TJP1: variants seen among roughly 807,000 people sequenced by gnomAD.
TJP1 encodes the protein tight junction protein 1.
TJP1 carries 43 observed loss-of-function variants against 194.2 expected under a neutral mutation model. The observed-to-expected ratio is 0.22, with a 90% CI of 0.17 to 0.29. TJP1 has a LOEUF of 0.29. Ranked by LOEUF, TJP1 falls within the 10% of genes least tolerant of loss-of-function variation. TJP1 has a pLI of 1.00. For synonymous variants in TJP1, 801 were observed against 779.0 expected (o/e 1.03, Z -0.47); for missense variants, 1,971 against 2,185.7 (o/e 0.90, Z 1.96).
chr15:29,893,865 C>A (rs1214115325), intron 2 of TJP1, among the ~76,000 whole-genome samples: 4 of 151,992 alleles, frequency 2.6e-5, no homozygotes, highest in African/African-American at 9.7e-5. Flanking sequence ...GATAAAAAAA[C>A]AAAACTTCTG....
Position 29,822,102 on chromosome 15 carries a change from G to A in TJP1, c.-74C>T, listed in dbSNP as rs948426499. 2 of 1,232,284 alleles carry A rather than the reference G, an allele frequency of 1.6e-6. No homozygotes were observed. The highest frequency in any genetic ancestry group is 3.5e-5 in the South Asian group (1 of 28,818). The allele number at this position is 1,232,284 out of a possible 1,614,324, so 76.3% of individuals were successfully genotyped here. Reference sequence around the variant, plus strand: ...CGGCGCTGGCCCGCCCGCTCCTCACGCCACAGCCCAAATAAACATCTCCCG... The same window carrying A: ...CGGCGCTGGCCCGCCCGCTCCTCACACCACAGCCCAAATAAACATCTCCCG... On this transcript the variant is annotated 5_prime_UTR_variant, in exon 1 of 28. Coordinates refer to ENST00000614355, the MANE Select transcript of TJP1 (RefSeq NM_001330239.4).
intron 2 of TJP1, among the ~76,000 whole-genome samples, chr15:29,876,334 A>G (rs181329302): frequency 1.3e-5 from 2 of 152,138 alleles, no homozygotes; most frequent in African/African-American, 4.8e-5. Flanking sequence ...AGCTTGACCA[A>G]CATGGTGAAA....
At chr15:29,928,890 C>T (rs903101087) in intron 2 of TJP1, among the ~76,000 whole-genome samples, 14 of 151,822 alleles carry the variant, frequency 9.2e-5, no homozygotes, top group African/African-American at 1.9e-4. Flanking sequence ...TGCAGTGAGC[C>T]GAGATCTCGC....
chr15:29,800,820 G>A lies in TJP1; in HGVS notation c.28-118C>T, dbSNP rs2048735080. The A allele has an allele frequency of 6.3e-6, 6 of 949,548 alleles. No individual in the cohort carries two copies. In the East Asian group the frequency reaches 7.6e-5, roughly 12 times the overall value. 58.8% of individuals were successfully genotyped at this position (949,548 alleles called of 1,614,324 possible). On this transcript the variant is annotated intron_variant, in intron 1 of 27. Transcript: ENST00000614355. Reference sequence around the variant, plus strand: ...ATACCAAAATTCACAGTTAATATTAGAGACACTCTGAAAGGACCTTAATAA... The same window carrying A: ...ATACCAAAATTCACAGTTAATATTAAAGACACTCTGAAAGGACCTTAATAA...
chr15:29,744,415 C>G (rs2044629369), intron 8 of TJP1, among the ~76,000 whole-genome samples: 1 of 152,082 alleles, frequency 6.6e-6, no homozygotes, highest in Non-Finnish European at 1.5e-5. Flanking sequence ...TAAGAACATT[C>G]ATTCTAGTAT....
At chr15:29,969,040 G>A (rs2056430362), upstream of TJP1, among the ~76,000 whole-genome samples, 1 of 146,964 alleles carries the variant, frequency 6.8e-6, no homozygotes. Context: ...GCAGGCCGTG[G>A]CCCGGCGGCG....
Position 29,843,906 on chromosome 15 carries a change from A to G in TJP1, c.307-43204T>C, listed in dbSNP as rs552849091. Reference sequence around the variant, plus strand: ...AATGCTTCCAGGCAGAAGGGACAGTAACCACAAGGTGGGAGAGGCCTTGAT... The same window carrying G: ...AATGCTTCCAGGCAGAAGGGACAGTGACCACAAGGTGGGAGAGGCCTTGAT... On this transcript the variant is annotated intron_variant, in intron 2 of 28. Coordinates refer to the TJP1 transcript ENST00000356107. 3.4e-4 allele frequency among the ~76,000 whole-genome samples: 52 copies of G among 152,310 alleles called. 3 individuals carry two copies. In the South Asian group the frequency reaches 0.011, roughly 31 times the overall value.
chr15:29,738,670 T>C (rs1027063132), intron 10 of TJP1, among the ~76,000 whole-genome samples: 2 of 152,006 alleles, frequency 1.3e-5, no homozygotes, highest in Admixed American at 6.6e-5. Context: ...AGCATTCTCA[T>C]AGATTCCTCT....
intron 22 of TJP1, 39 bp downstream of exon 22, chr15:29,717,982 G>A (rs376745543): frequency 3.3e-6 from 5 of 1,536,116 alleles, no homozygotes; most frequent in Non-Finnish European, 4.5e-6. Flanking sequence ...TTAAATTCCT[G>A]GTCAGTTCTA....
At chr15:29,949,458 C>A (rs2055477495) in intron 2 of TJP1, among the ~76,000 whole-genome samples, 1 of 117,270 alleles carries the variant, frequency 8.5e-6, no homozygotes, top group Non-Finnish European at 1.8e-5. Flanking sequence ...TTCACCACCA[C>A]TTCCACCACC....
At chr15:29,921,171 G>GA (rs1438466968) in intron 2 of TJP1, among the ~76,000 whole-genome samples, 1 of 152,150 alleles carries the variant, frequency 6.6e-6, no homozygotes, top group Non-Finnish European at 1.5e-5. Flanking sequence ...CCATGTGAAT[G>GA]ATTAATTCAA....
At chr15:29,786,587 A>G (rs2047714788) in intron 2 of TJP1, among the ~76,000 whole-genome samples, 1 of 151,958 alleles carries the variant, frequency 6.6e-6, no homozygotes, top group African/African-American at 2.4e-5. Context: ...GTAACCTCAA[A>G]CTCCTGGGTT....
At chr15:29,917,913 C>T (rs1037305105) in intron 2 of TJP1, among the ~76,000 whole-genome samples, 2 of 152,166 alleles carry the variant, frequency 1.3e-5, no homozygotes, top group East Asian at 1.9e-4. Flanking sequence ...GTTGTGCAAC[C>T]GTCACCCCCA....
intron 1 of TJP1, among the ~76,000 whole-genome samples, chr15:29,959,669 C>G (rs17672419): frequency 0.38 from 58,266 of 152,002 alleles, 11,271 homozygotes; most frequent in East Asian, 0.45. Context: ...CTCAACAGAT[C>G]TATCCCTACC....
intron 2 of TJP1, among the ~76,000 whole-genome samples, chr15:29,848,248 G>A (rs897013514): frequency 5.3e-5 from 8 of 151,908 alleles, no homozygotes; most frequent in Non-Finnish European, 1.2e-4. Context: ...GTGTTGTTCA[G>A]ATCTTCTTTC....
intron 4 of TJP1, among the ~76,000 whole-genome samples, chr15:29,768,854 T>C (rs1232333417): frequency 6.6e-6 from 1 of 152,122 alleles, no homozygotes; most frequent in African/African-American, 2.4e-5. Flanking sequence ...AATGCCTACT[T>C]CAAAATAGTT....
intron 4 of TJP1, among the ~76,000 whole-genome samples, chr15:29,767,929 C>T (rs983651042): frequency 3.3e-5 from 5 of 152,142 alleles, no homozygotes; most frequent in South Asian, 2.1e-4. Context: ...TCATCAATTA[C>T]CATACTCCAG....
At position 29,822,044 on chromosome 15, in the gene TJP1, C is replaced by T. The variant is rs551507920; in HGVS notation, c.-16G>A. On this transcript the variant is annotated 5_prime_UTR_variant, in exon 1 of 28. Transcript: ENST00000614355. The stretch of plus-strand genomic sequence containing the variant: ...TGGCGGACATCTTGTCTCTCTCCAG[C>T]GCCGCGCGAGGCTCCTCGGACCCGA... 13 of 1,317,832 alleles carry T rather than the reference C, an allele frequency of 9.9e-6. No homozygotes were observed. The highest frequency in any genetic ancestry group is 1.3e-5 in the Non-Finnish European group (13 of 1,032,436). The allele number at this position is 1,317,832 out of a possible 1,614,324, so 81.6% of individuals were successfully genotyped here.
At chr15:29,800,184 A>G (rs2151881529) in intron 2 of TJP1, among the ~76,000 whole-genome samples, 1 of 152,254 alleles carries the variant, frequency 6.6e-6, no homozygotes, top group African/African-American at 2.4e-5. Context: ...TCTTACTACT[A>G]CTCATCTCTC....
Sources: allele counts gnomAD v4.1 joint callset (sites outside exome capture counted in the v4.1 genomes callset), GRCh38; gene constraint gnomAD v4.1.1; transcripts MANE v1.5; gene names NCBI Gene and HGNC (gene_info 2026-07-23, HGNC 2026-07-21).